The following PIP5K1B variants were observed in gnomAD, a reference collection of about 807,000 sequenced individuals.
PIP5K1B encodes the protein phosphatidylinositol-4-phosphate 5-kinase type 1 beta.
PIP5K1B carries 42 observed loss-of-function variants against 67.0 expected under a neutral mutation model. The observed-to-expected ratio is 0.63, with a 90% CI of 0.49 to 0.81. The LOEUF (loss-of-function observed/expected upper bound fraction) is 0.81. Among genes scored for constraint, PIP5K1B ranks in the 30% least tolerant of loss-of-function variants. The pLI is 0.00. For synonymous variants in PIP5K1B, 214 were observed against 231.4 expected, an observed-to-expected ratio of 0.92 and a Z score of 0.68; for missense variants, 459 against 646.3, an observed-to-expected ratio of 0.71 and a Z score of 3.14.
At chr9:68,904,646 T>C (rs1325189952) in intron 8 of PIP5K1B, among the ~76,000 whole-genome samples, 1 of 152,162 alleles carries the variant, frequency 6.6e-6, no homozygotes, top group Non-Finnish European at 1.5e-5. Flanking sequence ...TTTTGAAATC[T>C]TGCAGGGGAG....
chr9:68,873,281 C>CTTTTTTTTTT (rs772335388), intron 5 of PIP5K1B, among the ~76,000 whole-genome samples: 40 of 90,632 alleles, frequency 4.4e-4, no homozygotes, highest in Non-Finnish European at 5.9e-4. Context: ...ACTTTCTGAT[C>CTTTTTTTTTT]TTTTTTTTTT....
At chr9:68,771,971 G>A (rs1830689818) in intron 2 of PIP5K1B, among the ~76,000 whole-genome samples, 1 of 152,098 alleles carries the variant, frequency 6.6e-6, no homozygotes. Flanking sequence ...CCTTCTTTTT[G>A]TTGCACTTAC....
At chr9:68,893,408 A>C (rs1317374707) in intron 7 of PIP5K1B, among the ~76,000 whole-genome samples, 3 of 125,746 alleles carry the variant, frequency 2.4e-5, no homozygotes, top group African/African-American at 9.2e-5. Context: ...ATCTCGGCTT[A>C]GTGCAACCTC....
At chr9:68,913,855 C>T (rs1825964766) in intron 8 of PIP5K1B, among the ~76,000 whole-genome samples, 1 of 151,678 alleles carries the variant, frequency 6.6e-6, no homozygotes, top group Admixed American at 6.6e-5. Context: ...TTAATTCTCT[C>T]TTGGAATTTA....
intron 8 of PIP5K1B, among the ~76,000 whole-genome samples, chr9:68,907,528 C>G (rs1483622785): frequency 1.3e-5 from 2 of 151,988 alleles, no homozygotes; most frequent in Non-Finnish European, 2.9e-5. Context: ...TTTTCCATCA[C>G]TTCTTTTAAA....
chr9:68,887,287 T>C (rs1824525252), intron 6 of PIP5K1B, among the ~76,000 whole-genome samples: 1 of 152,208 alleles, frequency 6.6e-6, no homozygotes, highest in Non-Finnish European at 1.5e-5. Context: ...TAGCAGATGC[T>C]CAATAGTTAT....
At chr9:68,919,637 G>A (rs760440954) in intron 10 of PIP5K1B, 44 bp from the exon 11 acceptor site, 16 of 1,412,720 alleles carry the variant, frequency 1.1e-5, no homozygotes, top group Non-Finnish European at 1.2e-5. Flanking sequence ...CACCAAATGA[G>A]AGTGATTTTA....
intron 2 of PIP5K1B, among the ~76,000 whole-genome samples, chr9:68,798,249 AT>A (rs1832403081): frequency 6.6e-6 from 1 of 152,118 alleles, no homozygotes; most frequent in Non-Finnish European, 1.5e-5. Context: ...ATTGGGGTGA[AT>A]TTTTAAGATG....
intron 4 of PIP5K1B, among the ~76,000 whole-genome samples, chr9:68,858,838 C>A (rs1822912867): frequency 6.6e-6 from 1 of 152,180 alleles, no homozygotes; most frequent in African/African-American, 2.4e-5. Flanking sequence ...TATTAAGTGA[C>A]CTAATTTTAT....
intron 2 of PIP5K1B, among the ~76,000 whole-genome samples, chr9:68,748,072 C>T (rs1015840271): frequency 5.9e-5 from 9 of 152,136 alleles, no homozygotes; most frequent in African/African-American, 2.2e-4. Context: ...CCGAGGTAAC[C>T]CCTAATCTGC....
intron 2 of PIP5K1B, among the ~76,000 whole-genome samples, chr9:68,815,807 T>C (rs542542732): frequency 2.2e-3 from 333 of 152,230 alleles, no homozygotes; most frequent in Middle Eastern, 0.014. Context: ...AGATTTATTC[T>C]AGAAACATAA....
At chr9:68,824,312 T>A in intron 4 of PIP5K1B, 1 of 515,024 alleles carries the variant, frequency 1.9e-6, no homozygotes, top group Non-Finnish European at 3.9e-6. Flanking sequence ...ATAGAAAAAA[T>A]GTGACCATGA....
At chr9:68,962,178 CA>C (rs1472825585) in intron 14 of PIP5K1B, among the ~76,000 whole-genome samples, 3 of 152,060 alleles carry the variant, frequency 2.0e-5, no homozygotes, top group African/African-American at 7.2e-5. Context: ...CTATCAAGAT[CA>C]TTTTTTTAAT....
chr9:69,000,909 T>TG (rs1830796477), intron 15 of PIP5K1B, among the ~76,000 whole-genome samples: 1 of 151,040 alleles, frequency 6.6e-6, no homozygotes, highest in Non-Finnish European at 1.5e-5. Flanking sequence ...TTTTTTTTTT[T>TG]CTTTTTTTGA....
chr9:68,819,175 C>T (rs1833604066), intron 3 of PIP5K1B, among the ~76,000 whole-genome samples: 1 of 152,228 alleles, frequency 6.6e-6, no homozygotes, highest in Non-Finnish European at 1.5e-5. Flanking sequence ...CAAAAGGAAA[C>T]TCAGTGCAGT....
At chr9:68,987,213 T>C (rs565803015) in intron 14 of PIP5K1B, among the ~76,000 whole-genome samples, 2 of 152,172 alleles carry the variant, frequency 1.3e-5, no homozygotes, top group South Asian at 4.1e-4. Context: ...GATCTCACCA[T>C]TGCACTCCAG....
At chr9:68,938,741 T>A (rs1014391760) in intron 13 of PIP5K1B, among the ~76,000 whole-genome samples, 1 of 152,184 alleles carries the variant, frequency 6.6e-6, no homozygotes, top group Non-Finnish European at 1.5e-5. Flanking sequence ...CAGCTCCTTG[T>A]AGCTGTTGGG....
rs767889054 is a variant in PIP5K1B, at chr9:68,822,581, T to C, written c.1-34T>C. The C allele has an allele frequency of 2.0e-6, 3 of 1,477,840 alleles. No homozygotes were observed. The Admixed American group carries it at 5.3e-5, about 26-fold the overall frequency. The allele number at this position is 1,477,840 out of a possible 1,614,324, so 91.5% of individuals were successfully genotyped here. On this transcript the variant is annotated intron_variant, in intron 3 of 15. Transcript: ENST00000265382. Reference sequence around the variant, plus strand: ...TAATATATTGTATTTCAGAGTAACATTGAAGTTCAAAGGGCAGTGTGTTTC... The same window carrying C: ...TAATATATTGTATTTCAGAGTAACACTGAAGTTCAAAGGGCAGTGTGTTTC...
chr9:68,935,048 A>G lies in PIP5K1B; in HGVS notation c.1357+3A>G, dbSNP rs1827181345. 6.2e-7 allele frequency: 1 copy of G among 1,609,982 alleles called. No homozygotes were observed. Among genetic ancestry groups the G allele is most frequent in the South Asian group, 1.1e-5 (1 of 90,368 alleles). Reference sequence around the variant, plus strand: ...TTTTAGCAGCCTTGATGAAGAAGGTAAAGATATGTAACTTTTTTAAAAAGA... The same window carrying G: ...TTTTAGCAGCCTTGATGAAGAAGGTGAAGATATGTAACTTTTTTAAAAAGA... On this transcript the variant is annotated splice_donor_region_variant and intron_variant, in intron 13 of 15. Transcript: ENST00000265382.
Sources: gnomAD v4.1 joint callset for allele counts (sites outside exome capture counted in the v4.1 genomes callset) on GRCh38, gnomAD v4.1.1 for gene constraint, MANE v1.5 for transcripts, NCBI Gene and HGNC (gene_info 2026-07-23, HGNC 2026-07-21) for gene names.